Variants in CFH observed in about 807,000 individuals in gnomAD.
CFH encodes complement factor H.
Under a neutral mutation model 147.3 loss-of-function variants are expected in CFH, and 53 were observed. The ratio of observed to expected loss-of-function variants is 0.36; its 90% CI spans 0.29 to 0.45. The LOEUF (loss-of-function observed/expected upper bound fraction) is 0.45. Among genes scored for constraint, CFH ranks in the 20% least tolerant of loss-of-function variants. The pLI is 1.00. For synonymous variants in CFH, 536 were observed against 489.4 expected, an observed-to-expected ratio of 1.10 and a Z score of -1.26; for missense variants, 1,380 against 1,498.0, an observed-to-expected ratio of 0.92 and a Z score of 1.30.
rs889080429 is a variant in CFH, at chr1:196,673,446, C to G, written c.244+283C>G. On this transcript the variant is annotated intron_variant, in intron 2 of 21. Transcript: ENST00000367429. ...CTGCCTCCCTGGTTCAAGCAATTCT[C>G]CTGCCTCAACTTCCCGAGTAGCTGG... The G allele has an allele frequency of 2.2e-5, 9 of 416,984 alleles. No homozygotes were observed. In the Admixed American group the frequency reaches 3.0e-4, roughly 14 times the overall value. The allele number at this position is 416,984 out of a possible 1,614,324, so 25.8% of individuals were successfully genotyped here.
At chr1:196,679,437 AT>A in intron 5 of CFH, 185 bp from the exon 6 acceptor site, 1 of 478,358 alleles carries the variant, frequency 2.1e-6, no homozygotes, top group Non-Finnish European at 3.8e-6. Context: ...CAGAAGCATA[AT>A]TTTAATCAGA....
In CFH at chr1:196,677,543, T is replaced by C. The variant is rs781539213; in HGVS notation, c.495T>C (p.Asp165=). 5.0e-6 allele frequency: 8 copies of C among 1,613,154 alleles called. No individual in the cohort carries two copies. Among genetic ancestry groups the C allele is most frequent in the Non-Finnish European group, 5.9e-6 (7 of 1,179,436 alleles). ...GKIVSSAMEP[D]REYHFGQAVR... ...TTGTCAGTAGTGCAATGGAACCAGA[T>C]CGGGAATACCATTTTGGACAAGCAG... The change falls in exon 5 of 22, where the codon GAT becomes GAC. Residue 165 remains aspartate (D), a synonymous_variant. Coordinates refer to ENST00000367429, the MANE Select transcript of CFH (RefSeq NM_000186.4).
At chr1:196,723,932 C>G (rs560067784) in intron 11 of CFH, among the ~76,000 whole-genome samples, 14 of 151,986 alleles carry the variant, frequency 9.2e-5, no homozygotes, top group Non-Finnish European at 1.6e-4. Context: ...ATTGGATCCA[C>G]GGGACATGTT....
intron 12 of CFH, among the ~76,000 whole-genome samples, chr1:196,725,498 G>A (rs1357029656): frequency 6.6e-6 from 1 of 152,150 alleles, no homozygotes; most frequent in African/African-American, 2.4e-5. Context: ...TGAACGATGT[G>A]CTGGAAGTAT....
intron 17 of CFH, among the ~76,000 whole-genome samples, chr1:196,739,866 AC>A (rs1652749981): frequency 6.6e-6 from 1 of 152,190 alleles, no homozygotes. Context: ...ATAAAGAACT[AC>A]CCAAGACTGC....
At chr1:196,709,890 T>C in intron 9 of CFH, among the ~76,000 whole-genome samples, 1 of 152,072 alleles carries the variant, frequency 6.6e-6, no homozygotes, top group African/African-American at 2.4e-5. Flanking sequence ...AGGTCTGTAG[T>C]ACCAGCTGCT....
chr1:196,743,169 A>C (rs1264794447), intron 19 of CFH, among the ~76,000 whole-genome samples: 6 of 152,206 alleles, frequency 3.9e-5, no homozygotes, highest in Non-Finnish European at 8.8e-5. Flanking sequence ...ATATCCAGGA[A>C]AACTTTCGTT....
At chr1:196,710,394 C>G (rs1464900338) in intron 9 of CFH, among the ~76,000 whole-genome samples, 1 of 152,132 alleles carries the variant, frequency 6.6e-6, no homozygotes, top group East Asian at 1.9e-4. Context: ...AGAATAGAAG[C>G]TATTTATAGG....
intron 16 of CFH, 65 bp from the exon 17 acceptor site, chr1:196,737,410 A>C: frequency 1.8e-6 from 2 of 1,113,460 alleles, no homozygotes; most frequent in Non-Finnish European, 2.7e-6. Context: ...AATAGTATTT[A>C]GTTTTATATT....
intron 1 of CFH, among the ~76,000 whole-genome samples, chr1:196,659,911 G>C (rs1029216857): frequency 6.6e-6 from 1 of 152,150 alleles, no homozygotes; most frequent in Non-Finnish European, 1.5e-5. Context: ...ATTCTTCCAC[G>C]AACTATGAAA....
intron 11 of CFH, among the ~76,000 whole-genome samples, chr1:196,719,846 T>C (rs1668957507): frequency 6.6e-6 from 1 of 151,672 alleles, no homozygotes; most frequent in Non-Finnish European, 1.5e-5. Flanking sequence ...ATACCTAGAA[T>C]TTGCCTTTCC....
At chr1:196,722,832 C>T (rs947182829) in intron 11 of CFH, among the ~76,000 whole-genome samples, 1 of 152,072 alleles carries the variant, frequency 6.6e-6, no homozygotes, top group Non-Finnish European at 1.5e-5. Flanking sequence ...TGTCTTCAAG[C>T]TCTGAGAGCA....
At chr1:196,729,574 T>C (rs1331487837) in intron 15 of CFH, among the ~76,000 whole-genome samples, 3 of 151,942 alleles carry the variant, frequency 2.0e-5, no homozygotes, top group Non-Finnish European at 4.4e-5. Flanking sequence ...TGTCCTTGTC[T>C]GGTTTTGGTT....
chr1:196,681,913 T>A (rs890885401), intron 6 of CFH, among the ~76,000 whole-genome samples: 1 of 151,816 alleles, frequency 6.6e-6, no homozygotes, highest in Non-Finnish European at 1.5e-5. Context: ...TCTATACACA[T>A]CATTTTCTCT....
At chr1:196,698,856 A>T (rs1001320905) in intron 9 of CFH, among the ~76,000 whole-genome samples, 4 of 152,226 alleles carry the variant, frequency 2.6e-5, no homozygotes, top group African/African-American at 9.6e-5. Context: ...ATCCAGCAGC[A>T]TATCTAAAAG....
At chr1:196,732,672 T>A (rs1669306861) in intron 15 of CFH, among the ~76,000 whole-genome samples, 1 of 152,076 alleles carries the variant, frequency 6.6e-6, no homozygotes, top group Non-Finnish European at 1.5e-5. Context: ...CAAGTCTTTG[T>A]GCGGACTGCT....
At chr1:196,731,447 T>C (rs1349927076) in intron 15 of CFH, among the ~76,000 whole-genome samples, 3 of 151,996 alleles carry the variant, frequency 2.0e-5, no homozygotes, top group South Asian at 2.1e-4. Context: ...CATCTTTCAA[T>C]AATTCGTATC....
chr1:196,714,668 TAGAG>T (rs1205328020), intron 10 of CFH, among the ~76,000 whole-genome samples: 68 of 21,240 alleles, frequency 3.2e-3, no homozygotes, highest in Non-Finnish European at 3.7e-3. Context: ...TATATATATA[TAGAG>T]AGAGAGAGAG....
chr1:196,689,178 C>T (rs535798565), intron 7 of CFH, among the ~76,000 whole-genome samples: 2 of 152,038 alleles, frequency 1.3e-5, no homozygotes, highest in Admixed American at 6.6e-5. Flanking sequence ...TTCTGGAGAG[C>T]CTTCATACAA....
Sources: gnomAD v4.1 joint callset for allele counts (sites outside exome capture counted in the v4.1 genomes callset) on GRCh38, gnomAD v4.1.1 for gene constraint, MANE v1.5 for transcripts, NCBI Gene and HGNC (gene_info 2026-07-23, HGNC 2026-07-21) for gene names.